AOPEP: variants seen among roughly 807,000 people sequenced by gnomAD.
AOPEP encodes the protein aminopeptidase O.
AOPEP carries 77 observed loss-of-function variants against 98.1 expected under a neutral mutation model. The observed-to-expected ratio is 0.78, with a 90% CI of 0.65 to 0.95. The LOEUF (loss-of-function observed/expected upper bound fraction) is 0.95, where lower values mean the gene tolerates loss of function less well. Among genes scored for constraint, AOPEP ranks in the 40% least tolerant of loss-of-function variants. The probability of loss-of-function intolerance (pLI) is 0.00; values close to 1 mark genes in which losing one functional copy is unlikely to be tolerated. For synonymous variants in AOPEP, 346 were observed against 365.3 expected (o/e 0.95, Z 0.60); for missense variants, 1,024 against 1,024.7 (o/e 1.00, Z 0.01).
intron 5 of AOPEP, among the ~76,000 whole-genome samples, chr9:94,894,161 T>C (rs761923381): frequency 8.6e-5 from 13 of 152,002 alleles, no homozygotes; most frequent in Non-Finnish European, 5.9e-5. Context: ...CTTCTGAGGT[T>C]AGAAAACAAC....
At chr9:94,794,184 G>A (rs1017556905) in intron 4 of AOPEP, among the ~76,000 whole-genome samples, 2 of 152,162 alleles carry the variant, frequency 1.3e-5, no homozygotes, top group Non-Finnish European at 1.5e-5. Flanking sequence ...ATATTTACTG[G>A]CAGCCTGTCT....
At chr9:95,013,696 CT>C (rs1166332194) in intron 13 of AOPEP, among the ~76,000 whole-genome samples, 1 of 152,058 alleles carries the variant, frequency 6.6e-6, no homozygotes, top group Non-Finnish European at 1.5e-5. Flanking sequence ...AGCTATAGTC[CT>C]GGTTTTTTGC....
chr9:94,974,704 G>A (rs1412863707), intron 10 of AOPEP, among the ~76,000 whole-genome samples: 1 of 152,160 alleles, frequency 6.6e-6, no homozygotes, highest in Non-Finnish European at 1.5e-5. Context: ...TTAGTGAGAG[G>A]GGGAAGTCGG....
chr9:95,059,384 A>G (rs1227735668), intron 13 of AOPEP, among the ~76,000 whole-genome samples: 2 of 152,166 alleles, frequency 1.3e-5, no homozygotes, highest in Non-Finnish European at 2.9e-5. Context: ...TCTGTAGGCA[A>G]GTGGGGGCTT....
At chr9:94,844,187 C>G (rs990347098) in intron 5 of AOPEP, among the ~76,000 whole-genome samples, 1 of 152,120 alleles carries the variant, frequency 6.6e-6, no homozygotes, top group African/African-American at 2.4e-5. Context: ...CCACGAGTAG[C>G]TGGGATTACA....
chr9:95,027,228 C>A (rs556227153), intron 13 of AOPEP, among the ~76,000 whole-genome samples: 2 of 152,200 alleles, frequency 1.3e-5, no homozygotes, highest in African/African-American at 4.8e-5. Context: ...CACCACTATA[C>A]CCCAGTGTGG....
intron 5 of AOPEP, among the ~76,000 whole-genome samples, chr9:94,893,438 C>A (rs755986477): frequency 6.6e-6 from 1 of 152,084 alleles, no homozygotes; most frequent in South Asian, 2.1e-4. Context: ...TGAGTCCAGA[C>A]TCGAGCCTGA....
intron 16 of AOPEP, chr9:95,086,267 C>A: frequency 8.3e-7 from 1 of 1,211,494 alleles, no homozygotes; most frequent in East Asian, 5.8e-5. Flanking sequence ...ACTTGGAAAA[C>A]CCTGTTGGCA....
intron 5 of AOPEP, chr9:94,921,416 G>T (rs1367705102): frequency 1.3e-5 from 2 of 152,224 alleles, no homozygotes; most frequent in Non-Finnish European, 2.9e-5. Flanking sequence ...TGTTGGGAAA[G>T]AAATACTTAA....
chr9:95,140,269 C>A, the AOPEP span, among the ~76,000 whole-genome samples: 2 of 152,028 alleles, frequency 1.3e-5, no homozygotes, highest in Non-Finnish European at 2.9e-5. Context: ...GCCAGGGAAG[C>A]CTGGACAGGA....
chr9:94,855,709 AAAAG>A (rs1016111899), intron 5 of AOPEP, among the ~76,000 whole-genome samples: 3 of 152,174 alleles, frequency 2.0e-5, no homozygotes, highest in South Asian at 4.1e-4. Context: ...AAAAAAAAGA[AAAAG>A]AAATTGTGGG....
chr9:94,979,171 G>A (rs560121156), intron 10 of AOPEP, among the ~76,000 whole-genome samples, 196 bp from the exon 11 acceptor site: 5 of 152,294 alleles, frequency 3.3e-5, no homozygotes, highest in African/African-American at 4.8e-5. Context: ...GCATGTTGCT[G>A]TGGGTGAAGA....
chr9:95,006,463 A>G (rs550749156), intron 13 of AOPEP, among the ~76,000 whole-genome samples: 2 of 152,286 alleles, frequency 1.3e-5, no homozygotes, highest in South Asian at 2.1e-4. Flanking sequence ...TTTCTGTGCT[A>G]TGTTGCCTTA....
intron 5 of AOPEP, chr9:94,809,812 T>A (rs1850073705): frequency 6.5e-6 from 1 of 153,878 alleles, no homozygotes; most frequent in African/African-American, 2.4e-5. Context: ...AAAAAACAAT[T>A]ATGAAAGTAA....
chr9:94,959,385 GT>G (rs2058674937), intron 9 of AOPEP, among the ~76,000 whole-genome samples: 1 of 151,736 alleles, frequency 6.6e-6, no homozygotes, highest in Admixed American at 6.6e-5. Flanking sequence ...TTTTTTGCAT[GT>G]GAATATCCAG....
chr9:94,832,455 C>A (rs1033647376), intron 5 of AOPEP, among the ~76,000 whole-genome samples: 3 of 152,168 alleles, frequency 2.0e-5, no homozygotes, highest in Non-Finnish European at 4.4e-5. Flanking sequence ...ATGCAGGGGG[C>A]TTCACCTCCA....
intron 2 of AOPEP, among the ~76,000 whole-genome samples, chr9:94,772,790 T>A (rs1184278321): frequency 6.6e-6 from 1 of 152,202 alleles, no homozygotes; most frequent in Non-Finnish European, 1.5e-5. Context: ...TTTTACATAT[T>A]TAAGTAATTC....
intron 3 of AOPEP, among the ~76,000 whole-genome samples, chr9:94,775,763 A>G (rs957089411): frequency 2.0e-5 from 3 of 152,070 alleles, no homozygotes; most frequent in African/African-American, 7.2e-5. Context: ...TCATGATATC[A>G]GGAGATCGAG....
At chr9:94,947,664 C>T (rs1413774560) in intron 7 of AOPEP, among the ~76,000 whole-genome samples, 1 of 152,210 alleles carries the variant, frequency 6.6e-6, no homozygotes, top group Non-Finnish European at 1.5e-5. Context: ...CAAACACTGT[C>T]CTAAGCATTC....
Sources: gnomAD v4.1 joint callset for allele counts (sites outside exome capture counted in the v4.1 genomes callset) on GRCh38, gnomAD v4.1.1 for gene constraint, MANE v1.5 for transcripts, NCBI Gene and HGNC (gene_info 2026-07-23, HGNC 2026-07-21) for gene names.